Variants in ADAMTS18 observed in about 807,000 individuals in gnomAD.
ADAMTS18 encodes the protein A disintegrin and metalloproteinase with thrombospondin motifs 18.
Under a neutral mutation model 165.9 loss-of-function variants are expected in ADAMTS18, and 157 were observed. The ratio of observed to expected loss-of-function variants is 0.95; its 90% CI spans 0.83 to 1.08. ADAMTS18 has a LOEUF of 1.08. Ranked by LOEUF, ADAMTS18 falls within the 50% of genes least tolerant of loss-of-function variation. The pLI is 0.00. For synonymous variants in ADAMTS18, 782 were observed against 578.2 expected, an observed-to-expected ratio of 1.35 and a Z score of -5.06; for missense variants, 2,040 against 1,534.0, an observed-to-expected ratio of 1.33 and a Z score of -5.51.
chr16:77,356,571 C>G (rs892482246), intron 8 of ADAMTS18, among the ~76,000 whole-genome samples: 1 of 152,164 alleles, frequency 6.6e-6, no homozygotes, highest in Non-Finnish European at 1.5e-5. Flanking sequence ...CAACTATGAT[C>G]AATTTATTAG....
chr16:77,386,888 C>T (rs1486003415), intron 3 of ADAMTS18, among the ~76,000 whole-genome samples: 2 of 152,126 alleles, frequency 1.3e-5, no homozygotes, highest in East Asian at 1.9e-4. Flanking sequence ...TTTGTGAAAT[C>T]TGTGAGTCTG....
At chr16:77,287,421 A>C (rs528402295) in intron 22 of ADAMTS18, among the ~76,000 whole-genome samples, 2 of 152,254 alleles carry the variant, frequency 1.3e-5, no homozygotes, top group African/African-American at 4.8e-5. Context: ...CAGAACAAAC[A>C]CGTGGGCTCG....
rs1289449143 is a variant in ADAMTS18 at position 77,322,409 on chromosome 16, A to T, written c.2090T>A (p.Met697Lys). ...AGTTCCATCTTTCACTTTGCCGGACATTGCAAAAAAAAATTCAAAGTTCTC... is the reference window on the plus strand; with the variant it reads ...AGTTCCATCTTTCACTTTGCCGGACTTTGCAAAAAAAAATTCAAAGTTCTC... ...KAENFEFFFA[M>K]SGKVKDGTPC... The change falls in exon 14 of 23, where the codon ATG (methionine) becomes AAG (lysine). Residue 697 changes from methionine to lysine, a missense_variant. By Grantham distance (95) the Met-to-Lys change is moderately conservative. Coordinates refer to ENST00000282849, the MANE Select transcript of ADAMTS18 (RefSeq NM_199355.4). 1.2e-6 allele frequency: 2 copies of T among 1,613,954 alleles called. No individual in the cohort carries two copies. The highest frequency in any genetic ancestry group is 3.3e-5 in the Admixed American group (2 of 60,020).
At chr16:77,394,670 A>T (rs1357180567) in intron 3 of ADAMTS18, among the ~76,000 whole-genome samples, 2 of 152,206 alleles carry the variant, frequency 1.3e-5, no homozygotes, top group Non-Finnish European at 1.5e-5. Context: ...TAGCGTTCTC[A>T]CCCAAAATTT....
intron 16 of ADAMTS18, 94 bp from the exon 17 acceptor site, chr16:77,300,498 A>G: frequency 7.0e-7 from 1 of 1,436,764 alleles, no homozygotes; most frequent in Non-Finnish European, 9.8e-7. Flanking sequence ...TATTTACATG[A>G]CATTTTGACC....
In ADAMTS18 at chr16:77,334,789, A is replaced by ATATACTATATACTATAGTATACAGTAT. The variant is rs1567492071; in HGVS notation, c.1859+966_1859+967insATACTGTATACTATAGTATATAGTATA. On this transcript the variant is annotated intron_variant, in intron 12 of 22. Coordinates refer to ENST00000282849, the MANE Select transcript of ADAMTS18 (RefSeq NM_199355.4). ...AGTATATATACTATAGTATACAGTA[A>ATATACTATATACTATAGTATACAGTAT]ATATACTATATACTATAGTATACAG... Among the ~76,000 whole-genome samples the ATATACTATATACTATAGTATACAGTAT allele has an allele frequency of 1.2e-3, 29 of 23,938 alleles. 1 individual carries two copies. The highest frequency in any genetic ancestry group is 1.6e-3 in the Non-Finnish European group (20 of 12,658). The allele number at this position is 23,938 out of a possible 152,430, so 15.7% of individuals were successfully genotyped here.
At chr16:77,321,280 T>C in intron 14 of ADAMTS18, 78 bp from the exon 15 acceptor site, 3 of 1,569,954 alleles carry the variant, frequency 1.9e-6, no homozygotes, top group Middle Eastern at 2.0e-4. Flanking sequence ...AGGTATATGG[T>C]TCTCTGTATT....
chr16:77,287,935 G>C (rs973344355), intron 22 of ADAMTS18, among the ~76,000 whole-genome samples: 1 of 152,174 alleles, frequency 6.6e-6, no homozygotes, highest in East Asian at 1.9e-4. Flanking sequence ...ATAGGACCCA[G>C]CTGTATTCTT....
chr16:77,377,757 C>T (rs189054431), intron 3 of ADAMTS18, among the ~76,000 whole-genome samples: 13 of 152,282 alleles, frequency 8.5e-5, no homozygotes, highest in Non-Finnish European at 1.8e-4. Flanking sequence ...CAAGATGTCA[C>T]ATTCTTTAAA....
intron 3 of ADAMTS18, among the ~76,000 whole-genome samples, chr16:77,375,056 G>A (rs1480903247): frequency 6.6e-6 from 1 of 151,962 alleles, no homozygotes; most frequent in Non-Finnish European, 1.5e-5. Context: ...TTGAGATATC[G>A]AAAACAAGCA....
At chr16:77,354,037 C>A in intron 9 of ADAMTS18, 151 bp from the exon 10 acceptor site, 1 of 996,320 alleles carries the variant, frequency 1.0e-6, no homozygotes, top group Non-Finnish European at 1.6e-6. Context: ...ATGTTTATGC[C>A]AAAGAGTGAG....
chr16:77,317,422 C>T lies in ADAMTS18; in HGVS notation c.2532+2427G>A, dbSNP rs1597114535. 3.9e-5 allele frequency among the ~76,000 whole-genome samples: 6 copies of T among 152,254 alleles called. No individual in the cohort carries two copies. The South Asian group carries it at 1.2e-3, about 32-fold the overall frequency. On this transcript the variant is annotated intron_variant, in intron 16 of 22. Transcript: ENST00000282849. ...AATCTCGGCTCACTGCAACCTGTGC[C>T]TCCCAGGTTCAAGTGATTCTCCTGC...
chr16:77,379,743 G>A lies in ADAMTS18; in HGVS notation c.496-12020C>T, dbSNP rs1013906135. The stretch of plus-strand genomic sequence containing the variant: ...TGACCTCAAGTAATCCACCCACCTC[G>A]GCCTCTCAAAGTACTGGCATTAAAG... On this transcript the variant is annotated intron_variant, in intron 3 of 22. Transcript: ENST00000282849. Among the ~76,000 whole-genome samples the A allele has an allele frequency of 3.9e-5, 6 of 151,992 alleles. 1 individual carries two copies. The highest frequency in any genetic ancestry group is 2.0e-4 in the Admixed American group (3 of 15,262).
At chr16:77,425,443 A>C (rs2057659428) in intron 3 of ADAMTS18, among the ~76,000 whole-genome samples, 1 of 152,152 alleles carries the variant, frequency 6.6e-6, no homozygotes, top group Non-Finnish European at 1.5e-5. Context: ...AGAAACAGCA[A>C]AGCAGTCCAC....
At chr16:77,373,755 C>A (rs922605925) in intron 3 of ADAMTS18, among the ~76,000 whole-genome samples, 8 of 152,244 alleles carry the variant, frequency 5.3e-5, no homozygotes, top group Admixed American at 5.2e-4. Context: ...TCTCTCACTT[C>A]CAAATAATCT....
chr16:77,341,028 C>G (rs2056389750), intron 11 of ADAMTS18, among the ~76,000 whole-genome samples: 1 of 152,188 alleles, frequency 6.6e-6, no homozygotes, highest in Non-Finnish European at 1.5e-5. Context: ...CTTCCCAAAT[C>G]TGGATCATTT....
At chr16:77,409,093 G>A (rs1463718623) in intron 3 of ADAMTS18, among the ~76,000 whole-genome samples, 1 of 151,840 alleles carries the variant, frequency 6.6e-6, no homozygotes, top group Non-Finnish European at 1.5e-5. Context: ...TTTAATATTG[G>A]GTGCAGTACC....
At position 77,289,569 on chromosome 16, in the gene ADAMTS18, T is replaced by C. The variant is rs866706614; in HGVS notation, c.3403-158A>G. On this transcript the variant is annotated intron_variant, in intron 21 of 22. Coordinates refer to ENST00000282849, the MANE Select transcript of ADAMTS18 (RefSeq NM_199355.4). The stretch of plus-strand genomic sequence containing the variant: ...ATGTGCTTACAGTCCACAGCATCTA[T>C]CCTAACAAGTGTGATCCCTTTGATC... 15 of 807,772 alleles carry C rather than the reference T, an allele frequency of 1.9e-5. No individual in the cohort carries two copies. The African/African-American group carries it at 2.0e-4, about 11-fold the overall frequency. The allele number at this position is 807,772 out of a possible 1,614,324, so 50.0% of individuals were successfully genotyped here. A position where few individuals can be genotyped will look rare whatever the true frequency, so the allele number is the denominator to read the frequency against.
intron 3 of ADAMTS18, among the ~76,000 whole-genome samples, chr16:77,417,585 C>T (rs1406798485): frequency 6.6e-6 from 1 of 152,188 alleles, no homozygotes; most frequent in Non-Finnish European, 1.5e-5. Flanking sequence ...TTAGGTTCCA[C>T]ATCTAACAAT....
Sources: gnomAD v4.1 joint callset for allele counts (sites outside exome capture counted in the v4.1 genomes callset) on GRCh38, gnomAD v4.1.1 for gene constraint, MANE v1.5 for transcripts, NCBI Gene and HGNC (gene_info 2026-07-23, HGNC 2026-07-21) for gene names.